The following DISP1 variants were observed in gnomAD, a reference collection of about 807,000 sequenced individuals.
DISP1 encodes the protein dispatched RND transporter family member 1, also known as protein dispatched homolog 1.
DISP1 carries 30 observed loss-of-function variants against 37.3 expected under a neutral mutation model. The observed-to-expected ratio is 0.80, with a 90% CI of 0.60 to 1.09. The LOEUF (loss-of-function observed/expected upper bound fraction) is 1.09. Among genes scored for constraint, DISP1 ranks in the 50% least tolerant of loss-of-function variants. The pLI, the probability that DISP1 is intolerant of heterozygous loss-of-function variation, is 0.00. For synonymous variants in DISP1, 634 were observed against 690.2 expected (o/e 0.92, Z 1.28); for missense variants, 1,598 against 1,879.5 (o/e 0.85, Z 2.77).
intron 1 of DISP1, among the ~76,000 whole-genome samples, chr1:222,828,060 C>T (rs969540725): frequency 6.6e-6 from 1 of 152,128 alleles, no homozygotes; most frequent in Admixed American, 6.5e-5. Context: ...GTATAGTGTA[C>T]TTGCATGTTA....
chr1:222,916,318 G>A (rs181169354), intron 1 of DISP1, among the ~76,000 whole-genome samples: 4 of 152,262 alleles, frequency 2.6e-5, no homozygotes, highest in South Asian at 2.1e-4. Context: ...TTCACAATAC[G>A]AACTGGAGCA....
At chr1:222,944,820 C>T (rs976840565) in intron 3 of DISP1, among the ~76,000 whole-genome samples, 2 of 152,042 alleles carry the variant, frequency 1.3e-5, no homozygotes, top group Non-Finnish European at 2.9e-5. Flanking sequence ...TTTGTTTTTC[C>T]ATTTATTGCT....
At chr1:222,926,284 T>C (rs1350237149) in intron 1 of DISP1, among the ~76,000 whole-genome samples, 2 of 152,238 alleles carry the variant, frequency 1.3e-5, no homozygotes, top group Non-Finnish European at 2.9e-5. Context: ...TAATATTCCA[T>C]TGTATAGATG....
rs114320079 is a variant in DISP1 at position 222,923,719 on chromosome 1, G to A, written c.-158-4711G>A. On this transcript the variant is annotated intron_variant, in intron 1 of 8. Coordinates refer to ENST00000675850, the MANE Select transcript of DISP1 (RefSeq NM_001377229.1). ...ATGATAGATGAGATGAATCACAGCC[G>A]CATTATAAGCCCTCTGGAGTTGAGA... 2.6e-3 allele frequency among the ~76,000 whole-genome samples: 403 copies of A among 152,228 alleles called. 1 individual carries two copies. The highest frequency in any genetic ancestry group is 4.1e-3 in the Non-Finnish European group (276 of 67,998).
At chr1:222,822,401 T>C (rs930519519) in intron 1 of DISP1, among the ~76,000 whole-genome samples, 1 of 152,196 alleles carries the variant, frequency 6.6e-6, no homozygotes, top group Non-Finnish European at 1.5e-5. Context: ...TTTTGTATGC[T>C]AGGTTTTAAA....
intron 3 of DISP1, among the ~76,000 whole-genome samples, chr1:222,978,895 C>T (rs1014139937): frequency 6.6e-6 from 1 of 152,120 alleles, no homozygotes; most frequent in Non-Finnish European, 1.5e-5. Context: ...TGTTTTGGTA[C>T]CAGTACCATG....
intron 1 of DISP1, among the ~76,000 whole-genome samples, chr1:222,865,018 TTTTA>T (rs758742274): frequency 2.6e-4 from 39 of 152,024 alleles, no homozygotes; most frequent in Non-Finnish European, 4.7e-4. Context: ...TGAGATAGGT[TTTTA>T]TTTGTTTGTT....
rs1329710398 is a variant in DISP1 at position 223,002,480 on chromosome 1, G to A, written c.1083G>A (p.Leu361=). 1.9e-6 allele frequency: 3 copies of A among 1,614,152 alleles called. No individual in the cohort carries two copies. Among genetic ancestry groups the A allele is most frequent in the East Asian group, 2.2e-5 (1 of 44,880 alleles). The change falls in exon 9 of 9, where the codon CTG becomes CTA. Residue 361 remains leucine (L), a synonymous_variant. Transcript: ENST00000675850. ...SWTLGNYIAI[L]NNRSSCQKIV... is the part of the protein sequence containing the mutation. ...CACTGGGAAACTACATCGCCATTCTGAACAATAGATCGTCCTGTCAGAAAA... is the reference window on the plus strand; with the variant it reads ...CACTGGGAAACTACATCGCCATTCTAAACAATAGATCGTCCTGTCAGAAAA...
At chr1:222,859,133 A>G (rs144112585) in intron 1 of DISP1, among the ~76,000 whole-genome samples, 2,666 of 152,344 alleles carry the variant, frequency 0.017, 97 homozygotes, top group African/African-American at 0.06. Flanking sequence ...CATATACACC[A>G]TGGAATACTA....
chr1:222,923,272 T>C (rs974941164), intron 1 of DISP1, among the ~76,000 whole-genome samples: 6 of 152,212 alleles, frequency 3.9e-5, no homozygotes, highest in African/African-American at 1.4e-4. Flanking sequence ...AGACTGTCTG[T>C]AGTGATGACA....
Position 222,898,327 on chromosome 1 carries a change from A to G in DISP1, c.-158-30103A>G, listed in dbSNP as rs549784399. Among the ~76,000 whole-genome samples, 4 of 152,256 alleles carry G rather than the reference A, an allele frequency of 2.6e-5. No individual in the cohort carries two copies. The East Asian group carries it at 7.7e-4, about 29-fold the overall frequency. On this transcript the variant is annotated intron_variant, in intron 1 of 8. Coordinates refer to ENST00000675850, the MANE Select transcript of DISP1 (RefSeq NM_001377229.1). The stretch of plus-strand genomic sequence containing the variant: ...CATAGAGCCGATTGTTGGGGAGGGA[A>G]CACAGTTACTGAAGTATCAACTTTG...
At chr1:222,906,036 A>G (rs1671869651) in intron 1 of DISP1, among the ~76,000 whole-genome samples, 1 of 152,180 alleles carries the variant, frequency 6.6e-6, no homozygotes, top group African/African-American at 2.4e-5. Context: ...AGAAATATCA[A>G]GAAGGAAGGC....
chr1:222,936,588 GAGAGATATATATCTCTCATATATA>G (rs1405316319), intron 2 of DISP1, among the ~76,000 whole-genome samples: 1 of 14,868 alleles, frequency 6.7e-5, no homozygotes, highest in Non-Finnish European at 1.3e-4. Flanking sequence ...TCATATATAT[GAGAGATATATATCTCTCATATATA>G]TGAGATATAT....
intron 1 of DISP1, among the ~76,000 whole-genome samples, chr1:222,887,916 T>C (rs981684685): frequency 6.6e-6 from 1 of 152,206 alleles, no homozygotes; most frequent in African/African-American, 2.4e-5. Flanking sequence ...AGCAGAGAAG[T>C]GGCACTGCTG....
At chr1:222,984,059 T>C (rs896451151) in intron 4 of DISP1, among the ~76,000 whole-genome samples, 1 of 152,058 alleles carries the variant, frequency 6.6e-6, no homozygotes, top group Non-Finnish European at 1.5e-5. Flanking sequence ...AAATATTAAT[T>C]AGTAAACTCT....
intron 4 of DISP1, among the ~76,000 whole-genome samples, chr1:222,985,175 AT>A (rs776646040): frequency 1.2e-4 from 19 of 152,180 alleles, no homozygotes; most frequent in Admixed American, 2.6e-4. Flanking sequence ...CTTTGAAAAG[AT>A]TTCTTTCTCT....
intron 4 of DISP1, among the ~76,000 whole-genome samples, chr1:222,988,111 T>C (rs1219134660): frequency 6.6e-6 from 1 of 152,240 alleles, no homozygotes; most frequent in Non-Finnish European, 1.5e-5. Context: ...TAAATGTTTT[T>C]ATTATTTTCA....
intron 2 of DISP1, among the ~76,000 whole-genome samples, chr1:222,937,239 G>A (rs572493522): frequency 5.3e-5 from 8 of 150,428 alleles, no homozygotes; most frequent in Admixed American, 1.3e-4. Context: ...ACAGGCACCC[G>A]CCACCACGCT....
intron 1 of DISP1, among the ~76,000 whole-genome samples, chr1:222,881,959 G>A (rs985923927): frequency 2.6e-5 from 4 of 152,040 alleles, no homozygotes; most frequent in Non-Finnish European, 4.4e-5. Flanking sequence ...GCATTGAATC[G>A]AAACATTTAA....
Sources: allele counts gnomAD v4.1 joint callset (sites outside exome capture counted in the v4.1 genomes callset), GRCh38; gene constraint gnomAD v4.1.1; transcripts MANE v1.5; gene names NCBI Gene and HGNC (gene_info 2026-07-23, HGNC 2026-07-21).